Variants in DSCAM observed in about 807,000 individuals in gnomAD.
DSCAM encodes DS cell adhesion molecule.
In DSCAM, 47 loss-of-function variants were observed where a neutral mutation model predicts 217.7. The ratio of observed to expected loss-of-function variants is 0.22; its 90% CI spans 0.17 to 0.28. DSCAM has a LOEUF of 0.28. Among genes scored for constraint, DSCAM ranks in the 10% least tolerant of loss-of-function variants. DSCAM has a pLI of 1.00. For synonymous variants in DSCAM, 1,056 were observed against 1,015.3 expected (o/e 1.04, Z -0.76); for missense variants, 2,080 against 2,618.3 (o/e 0.79, Z 4.49).
chr21:40,237,231 ATACTTT>A (rs1426204886), intron 11 of DSCAM, among the ~76,000 whole-genome samples: 1 of 152,180 alleles, frequency 6.6e-6, no homozygotes, highest in African/African-American at 2.4e-5. Flanking sequence ...TATTATTATT[ATACTTT>A]AAGTTCTGGG....
At chr21:40,194,721 T>C (rs1431488797) in intron 11 of DSCAM, among the ~76,000 whole-genome samples, 1 of 152,192 alleles carries the variant, frequency 6.6e-6, no homozygotes, top group African/African-American at 2.4e-5. Context: ...CTGACCTACT[T>C]TTTTGCAGCA....
chr21:40,835,783 A>G (rs1193925161), intron 1 of DSCAM, among the ~76,000 whole-genome samples: 1 of 152,210 alleles, frequency 6.6e-6, no homozygotes, highest in African/African-American at 2.4e-5. Flanking sequence ...AATCAAGGAC[A>G]CGATGTTTTG....
chr21:40,497,251 CA>C (rs558974977), intron 3 of DSCAM, among the ~76,000 whole-genome samples: 7 of 152,004 alleles, frequency 4.6e-5, no homozygotes, highest in Non-Finnish European at 8.8e-5. Flanking sequence ...ACCTAAGTGT[CA>C]ACAGAAGAAT....
chr21:40,075,343 C>T lies in DSCAM; in HGVS notation c.4712-130G>A, dbSNP rs1465374457. 4.0e-6 allele frequency: 4 copies of T among 998,176 alleles called. No homozygotes were observed. The African/African-American group carries it at 6.5e-5, about 16-fold the overall frequency. 61.8% of individuals were successfully genotyped at this position (998,176 alleles called of 1,614,324 possible). A position where few individuals can be genotyped will look rare whatever the true frequency, so the allele number is the denominator to read the frequency against. On this transcript the variant is annotated intron_variant, in intron 26 of 32. Transcript: ENST00000400454. ...TGGAGGTGATGAGAAATGAAAAGAA[C>T]TCTGTCTCTAGGCCCTGGCTAACTT...
At chr21:40,526,579 G>T (rs1163114995) in intron 3 of DSCAM, among the ~76,000 whole-genome samples, 1 of 152,012 alleles carries the variant, frequency 6.6e-6, no homozygotes, top group Admixed American at 6.5e-5. Context: ...GAGGCCGGGG[G>T]GTGGGATTCA....
intron 1 of DSCAM, among the ~76,000 whole-genome samples, chr21:40,777,734 T>TA (rs1327806383): frequency 6.6e-6 from 1 of 152,196 alleles, no homozygotes; most frequent in East Asian, 1.9e-4. Context: ...ATTAAAAAGA[T>TA]ACAATTTTTA....
chr21:40,077,029 T>C (rs1163604979), intron 26 of DSCAM, among the ~76,000 whole-genome samples: 2 of 152,192 alleles, frequency 1.3e-5, no homozygotes, highest in Non-Finnish European at 2.9e-5. Flanking sequence ...TGGGTGATGC[T>C]TTGTGATGGG....
rs780829574 is a variant in DSCAM, at chr21:40,511,990, C to CAA, written c.509-142747_509-142746dup. On this transcript the variant is annotated intron_variant, in intron 3 of 32. Transcript: ENST00000400454. ...TGGGCGACAGAGTGAGACTCTGTCT[C>CAA]AAAAAAAAAAAAAAAAAAAAGTATT... 2.2e-3 allele frequency among the ~76,000 whole-genome samples: 58 copies of CAA among 26,784 alleles called. 4 individuals are homozygous for CAA. Among genetic ancestry groups the CAA allele is most frequent in the Non-Finnish European group, 3.5e-3 (51 of 14,652 alleles). 17.6% of individuals were successfully genotyped at this position (26,784 alleles called of 152,430 possible). A position where few individuals can be genotyped will look rare whatever the true frequency, so the allele number is the denominator to read the frequency against.
At chr21:40,810,263 C>G (rs1215343237) in intron 1 of DSCAM, among the ~76,000 whole-genome samples, 1 of 152,152 alleles carries the variant, frequency 6.6e-6, no homozygotes, top group Non-Finnish European at 1.5e-5. Flanking sequence ...AACGTTGCAC[C>G]CTCAGGTCTG....
At chr21:40,180,530 T>C (rs960974813) in intron 14 of DSCAM, among the ~76,000 whole-genome samples, 10 of 152,124 alleles carry the variant, frequency 6.6e-5, no homozygotes, top group Non-Finnish European at 1.5e-4. Context: ...GGAAATTTTA[T>C]ATCAATGAAA....
intron 20 of DSCAM, among the ~76,000 whole-genome samples, chr21:40,100,592 C>A (rs2089737479): frequency 6.6e-6 from 1 of 151,030 alleles, no homozygotes; most frequent in Non-Finnish European, 1.5e-5. Flanking sequence ...TTCCAGATTT[C>A]GCCTGATATA....
intron 1 of DSCAM, among the ~76,000 whole-genome samples, chr21:40,842,812 G>A (rs1270244848): frequency 1.3e-5 from 2 of 152,184 alleles, no homozygotes; most frequent in Non-Finnish European, 2.9e-5. Flanking sequence ...CCCCGAGGCA[G>A]CAAACCGTGG....
intron 3 of DSCAM, among the ~76,000 whole-genome samples, chr21:40,475,262 T>C (rs1310374135): frequency 6.6e-6 from 1 of 152,212 alleles, no homozygotes; most frequent in African/African-American, 2.4e-5. Flanking sequence ...ATTTAGGTCT[T>C]GGCATTCAGG....
At chr21:40,775,816 A>T (rs1325400188) in intron 1 of DSCAM, among the ~76,000 whole-genome samples, 2 of 152,188 alleles carry the variant, frequency 1.3e-5, no homozygotes, top group Non-Finnish European at 2.9e-5. Flanking sequence ...TCTGTGAAAG[A>T]TGCAATTTCT....
At chr21:40,621,940 GAAA>G (rs5844026) in intron 3 of DSCAM, among the ~76,000 whole-genome samples, 1 of 140,382 alleles carries the variant, frequency 7.1e-6, no homozygotes. Flanking sequence ...AAGGAAGGAA[GAAA>G]AAAGAAAGGA....
rs1461261272 is a variant in DSCAM, at chr21:40,777,108, C to T, written c.44-68337G>A. Among the ~76,000 whole-genome samples, 4 of 152,040 alleles carry T rather than the reference C, an allele frequency of 2.6e-5. No individual in the cohort carries two copies. In the East Asian group the frequency reaches 7.7e-4, roughly 29 times the overall value. On this transcript the variant is annotated intron_variant, in intron 1 of 32. Transcript: ENST00000400454. Reference sequence around the variant, plus strand: ...AAGAAGTCTAAGATCAAGGCACTGGCAGGTTCAGTGTCTGGTGAGGGTTCA... The same window carrying T: ...AAGAAGTCTAAGATCAAGGCACTGGTAGGTTCAGTGTCTGGTGAGGGTTCA...
At chr21:40,723,020 C>A (rs1383828625) in intron 1 of DSCAM, among the ~76,000 whole-genome samples, 5 of 150,424 alleles carry the variant, frequency 3.3e-5, no homozygotes, top group African/African-American at 1.2e-4. Flanking sequence ...GGACATGAAG[C>A]AAATCTGCTG....
intron 14 of DSCAM, 113 bp downstream of exon 14, chr21:40,187,018 C>T: frequency 7.4e-7 from 1 of 1,357,890 alleles, no homozygotes; most frequent in South Asian, 1.4e-5. Flanking sequence ...AAGTGGTGCC[C>T]TCTGAGCTCC....
At chr21:40,317,752 C>T (rs761563790) in intron 8 of DSCAM, among the ~76,000 whole-genome samples, 2 of 152,044 alleles carry the variant, frequency 1.3e-5, no homozygotes, top group African/African-American at 2.4e-5. Flanking sequence ...AGGCTGGTCT[C>T]GAACTCCTGA....
Sources: allele counts gnomAD v4.1 joint callset (sites outside exome capture counted in the v4.1 genomes callset), GRCh38; gene constraint gnomAD v4.1.1; transcripts MANE v1.5; gene names NCBI Gene and HGNC (gene_info 2026-07-23, HGNC 2026-07-21).